SYNPR: variants seen among roughly 807,000 people sequenced by gnomAD.
The protein encoded by SYNPR is synaptoporin.
A neutral mutation model predicts 32.9 loss-of-function variants in SYNPR; 23 were observed. The observed-to-expected ratio is 0.70, with a 90% CI of 0.50 to 0.99. SYNPR has a LOEUF of 0.99. Ranked by LOEUF, SYNPR falls within the 50% of genes least tolerant of loss-of-function variation. The pLI, the probability that SYNPR is intolerant of heterozygous loss-of-function variation, is 0.00. For missense variants in SYNPR, 318 were observed against 349.3 expected (o/e 0.91, Z 0.71); for synonymous variants, 146 against 135.9 (o/e 1.07, Z -0.52).
intron 2 of SYNPR, among the ~76,000 whole-genome samples, chr3:63,324,560 G>A (rs889860175): frequency 2.0e-5 from 3 of 152,108 alleles, no homozygotes; most frequent in Admixed American, 6.6e-5. Context: ...CATGTAAGAC[G>A]ACTTATCCAG....
intron 4 of SYNPR, among the ~76,000 whole-genome samples, chr3:63,598,112 G>A (rs1193400754): frequency 6.6e-6 from 1 of 152,182 alleles, no homozygotes; most frequent in Non-Finnish European, 1.5e-5. Context: ...AAGCCATCAA[G>A]TAGCCAAAAC....
chr3:63,246,340 C>G (rs1015915589), intron 1 of SYNPR, among the ~76,000 whole-genome samples: 2 of 152,048 alleles, frequency 1.3e-5, no homozygotes, highest in Admixed American at 6.6e-5. Context: ...TGTGATTGTA[C>G]TTGTTTGATC....
At chr3:63,204,055 C>T in the SYNPR span, among the ~76,000 whole-genome samples, 2 of 152,080 alleles carry the variant, frequency 1.3e-5, no homozygotes, top group Non-Finnish European at 2.9e-5. Context: ...AAGAGAATCA[C>T]CTTTAATAAG....
At chr3:63,395,459 C>T (rs2088199142) in intron 2 of SYNPR, among the ~76,000 whole-genome samples, 1 of 152,146 alleles carries the variant, frequency 6.6e-6, no homozygotes, top group African/African-American at 2.4e-5. Flanking sequence ...TTGCTGTGTG[C>T]CAGGCACTGT....
chr3:63,559,037 T>C (rs1702639247), intron 4 of SYNPR, among the ~76,000 whole-genome samples: 1 of 151,480 alleles, frequency 6.6e-6, no homozygotes, highest in South Asian at 2.1e-4. Context: ...TAAAAATTGA[T>C]ACAATAATTT....
intron 3 of SYNPR, among the ~76,000 whole-genome samples, chr3:63,523,337 T>G (rs1311733480): frequency 1.3e-5 from 2 of 152,102 alleles, no homozygotes; most frequent in African/African-American, 2.4e-5. Flanking sequence ...TGTCTTTGGC[T>G]AAAGGGTAGC....
intron 2 of SYNPR, among the ~76,000 whole-genome samples, chr3:63,295,554 C>T (rs545218722): frequency 6.6e-6 from 1 of 152,292 alleles, no homozygotes; most frequent in Non-Finnish European, 1.5e-5. Flanking sequence ...CAAAATCAAC[C>T]AAGGTGGTGG....
chr3:63,308,779 T>G (rs2086932786), intron 2 of SYNPR, among the ~76,000 whole-genome samples: 1 of 151,972 alleles, frequency 6.6e-6, no homozygotes, highest in South Asian at 2.1e-4. Context: ...TTAACTATGA[T>G]GTACTTTGGT....
chr3:63,285,563 T>G (rs568695436), intron 2 of SYNPR, among the ~76,000 whole-genome samples: 7 of 152,208 alleles, frequency 4.6e-5, no homozygotes, highest in Non-Finnish European at 8.8e-5. Context: ...ACAACAATCA[T>G]GTGCAATTGG....
upstream of SYNPR, among the ~76,000 whole-genome samples, chr3:63,275,443 C>G (rs1442340389): frequency 6.6e-6 from 1 of 152,184 alleles, no homozygotes; most frequent in Admixed American, 6.5e-5. Context: ...CTGCCATTTG[C>G]CACAATTCTG....
At chr3:63,241,966 C>T (rs2086252177) in intron 1 of SYNPR, among the ~76,000 whole-genome samples, 1 of 151,980 alleles carries the variant, frequency 6.6e-6, no homozygotes, top group Admixed American at 6.6e-5. Flanking sequence ...TATAGCTACA[C>T]CCCCTTTCAC....
the SYNPR span, among the ~76,000 whole-genome samples, chr3:63,205,757 G>A: frequency 8.5e-5 from 13 of 152,160 alleles, no homozygotes; most frequent in Admixed American, 2.6e-4. Context: ...GCACGATAGC[G>A]CTCTCTACTT....
chr3:63,519,156 G>C (rs11709738), intron 3 of SYNPR, among the ~76,000 whole-genome samples: 1 of 151,982 alleles, frequency 6.6e-6, no homozygotes, highest in Non-Finnish European at 1.5e-5. Flanking sequence ...TGCTGGATTC[G>C]GCCTGCTAGT....
At chr3:63,572,213 A>T (rs1702899386) in intron 4 of SYNPR, among the ~76,000 whole-genome samples, 1 of 152,046 alleles carries the variant, frequency 6.6e-6, no homozygotes, top group Non-Finnish European at 1.5e-5. Flanking sequence ...TACCTACTAA[A>T]TCAAATTGTT....
chr3:63,546,895 G>A (rs1456341364), intron 3 of SYNPR, among the ~76,000 whole-genome samples: 1 of 152,124 alleles, frequency 6.6e-6, no homozygotes, highest in East Asian at 1.9e-4. Context: ...AAGCCTTGGA[G>A]ATGAAACTGT....
chr3:63,462,691 T>C (rs1700607579), intron 2 of SYNPR, among the ~76,000 whole-genome samples: 2 of 152,170 alleles, frequency 1.3e-5, no homozygotes, highest in African/African-American at 4.8e-5. Flanking sequence ...GATTTATCTC[T>C]TTGGAATGAT....
intron 2 of SYNPR, among the ~76,000 whole-genome samples, chr3:63,420,112 G>A (rs1033483183): frequency 6.6e-6 from 1 of 152,148 alleles, no homozygotes; most frequent in Non-Finnish European, 1.5e-5. Context: ...TCATGGATGA[G>A]AAGATTCAAT....
At chr3:63,494,450 C>T (rs57625229) in intron 3 of SYNPR, among the ~76,000 whole-genome samples, 10,419 of 82,626 alleles carry the variant, frequency 0.13, 911 homozygotes, top group East Asian at 0.21. Context: ...TATATATACA[C>T]ATATATATAC....
At chr3:63,255,684 G>A (rs1439221513) in intron 2 of SYNPR, among the ~76,000 whole-genome samples, 1 of 152,132 alleles carries the variant, frequency 6.6e-6, no homozygotes, top group African/African-American at 2.4e-5. Context: ...CGCAGAAGAT[G>A]GGTGATTTCT....
Sources: gnomAD v4.1 joint callset for allele counts (sites outside exome capture counted in the v4.1 genomes callset) on GRCh38, gnomAD v4.1.1 for gene constraint, MANE v1.5 for transcripts, NCBI Gene and HGNC (gene_info 2026-07-23, HGNC 2026-07-21) for gene names.